PTPRD: variants seen among roughly 807,000 people sequenced by gnomAD.
The protein encoded by PTPRD is receptor-type tyrosine-protein phosphatase delta.
Under a neutral mutation model 214.5 loss-of-function variants are expected in PTPRD, and 34 were observed. The ratio of observed to expected loss-of-function variants is 0.16; its 90% CI spans 0.12 to 0.21. The LOEUF (loss-of-function observed/expected upper bound fraction) is 0.21, where lower values mean the gene tolerates loss of function less well. Ranked by LOEUF, PTPRD falls within the 10% of genes least tolerant of loss-of-function variation. The pLI is 1.00. For missense variants in PTPRD, 2,545 were observed against 2,398.7 expected, an observed-to-expected ratio of 1.06 and a Z score of -1.27; for synonymous variants, 1,128 against 845.7, an observed-to-expected ratio of 1.33 and a Z score of -5.79.
chr9:10,033,876 A>G (rs962226216), intron 3 of PTPRD, 86 bp from the exon 4 acceptor site: 1 of 152,106 alleles, frequency 6.6e-6, no homozygotes, highest in Admixed American at 6.6e-5. Flanking sequence ...TCAGATAAAA[A>G]AGGAAAACAG....
intron 7 of PTPRD, among the ~76,000 whole-genome samples, chr9:9,598,020 G>A (rs1244322957): frequency 6.6e-6 from 1 of 151,800 alleles, no homozygotes. Context: ...CCTTTTTCCT[G>A]CAAACTGTCC....
chr9:8,378,868 G>T (rs2084060633), intron 37 of PTPRD, among the ~76,000 whole-genome samples: 1 of 152,038 alleles, frequency 6.6e-6, no homozygotes, highest in Non-Finnish European at 1.5e-5. Context: ...TTGGAAAAAT[G>T]ACTCTCCATC....
intron 9 of PTPRD, among the ~76,000 whole-genome samples, chr9:9,318,850 C>T (rs1206167814): frequency 6.6e-6 from 1 of 152,134 alleles, no homozygotes; most frequent in African/African-American, 2.4e-5. Flanking sequence ...CAATGATAAT[C>T]AAAGTGGATA....
chr9:9,871,382 G>C (rs928003174), intron 5 of PTPRD, among the ~76,000 whole-genome samples: 9 of 152,132 alleles, frequency 5.9e-5, no homozygotes, highest in African/African-American at 2.2e-4. Flanking sequence ...TTGTATCCTT[G>C]ATGGAGCCTT....
At chr9:9,221,552 G>A (rs1257404620) in intron 9 of PTPRD, among the ~76,000 whole-genome samples, 4 of 151,950 alleles carry the variant, frequency 2.6e-5, no homozygotes, top group Non-Finnish European at 5.9e-5. Flanking sequence ...TTTCTGGCTC[G>A]CAGACAGTAT....
At chr9:10,126,150 T>C (rs766682923) in intron 3 of PTPRD, among the ~76,000 whole-genome samples, 21 of 152,112 alleles carry the variant, frequency 1.4e-4, no homozygotes, top group Non-Finnish European at 2.8e-4. Flanking sequence ...AGAATTAGAT[T>C]GTGAAACAAA....
chr9:9,571,750 T>C (rs1300512391), intron 8 of PTPRD, among the ~76,000 whole-genome samples: 1 of 150,990 alleles, frequency 6.6e-6, no homozygotes, highest in African/African-American at 2.4e-5. Context: ...AAATACTACA[T>C]ATTGCTTATT....
chr9:9,360,462 A>G (rs1401443030), intron 9 of PTPRD, among the ~76,000 whole-genome samples: 1 of 151,200 alleles, frequency 6.6e-6, no homozygotes, highest in Non-Finnish European at 1.5e-5. Context: ...GAAAATAAAT[A>G]TTGAAAGATT....
intron 5 of PTPRD, among the ~76,000 whole-genome samples, chr9:9,823,228 T>A (rs2051412424): frequency 6.6e-6 from 1 of 152,142 alleles, no homozygotes; most frequent in Non-Finnish European, 1.5e-5. Flanking sequence ...GCACAGTGCC[T>A]CCATCTGCCT....
rs1822290479 is a variant in PTPRD, at chr9:8,316,949, T to TAGAC, written c.*921_*924dup. 4.3e-6 allele frequency: 1 copy of TAGAC among 231,510 alleles called. No individual in the cohort carries two copies. The highest frequency in any genetic ancestry group is 6.1e-5 in the East Asian group (1 of 16,302). The allele number at this position is 231,510 out of a possible 1,614,324, so 14.3% of individuals were successfully genotyped here. On this transcript the variant is annotated 3_prime_UTR_variant, in exon 46 of 46. Transcript: ENST00000381196. ...TGTGGACACACTGTCTATATATACATAGACACCCTTATAAAATATGGATAT... is the reference window on the plus strand; with the variant it reads ...TGTGGACACACTGTCTATATATACATAGACAGACACCCTTATAAAATATGGATAT...
At chr9:9,863,329 G>A (rs575454376) in intron 5 of PTPRD, among the ~76,000 whole-genome samples, 14 of 152,266 alleles carry the variant, frequency 9.2e-5, no homozygotes, top group African/African-American at 3.1e-4. Context: ...AAAGGAAAGA[G>A]TCAAGAATGA....
In PTPRD at chr9:9,887,605, T is replaced by C. The variant is rs111635236; in HGVS notation, c.-368+50902A>G. 8.6e-3 allele frequency among the ~76,000 whole-genome samples: 1,315 copies of C among 152,258 alleles called. 16 individuals are homozygous for C. Among genetic ancestry groups the C allele is most frequent in the South Asian group, 0.033 (160 of 4,822 alleles). On this transcript the variant is annotated intron_variant, in intron 5 of 45. Transcript: ENST00000381196. ...CAGGACTCTTTAGTGAGAACATCAG[T>C]GTACCATGTACTCAGACAAACCTGG...
rs192687605 is a variant in PTPRD at position 8,890,485 on chromosome 9, A to G, written c.-104+128212T>C. On this transcript the variant is annotated intron_variant, in intron 11 of 45. Transcript: ENST00000381196. ...GAAGACTTGCAAGTGACACAGAACCATTCACCAGCTAGACTTCATCTTTTG... is the reference window on the plus strand; with the variant it reads ...GAAGACTTGCAAGTGACACAGAACCGTTCACCAGCTAGACTTCATCTTTTG... Among the ~76,000 whole-genome samples, 4 of 152,350 alleles carry G rather than the reference A, an allele frequency of 2.6e-5. No homozygotes were observed. In the East Asian group the frequency reaches 7.7e-4, roughly 29 times the overall value.
At chr9:9,283,433 T>C (rs1948419473) in intron 9 of PTPRD, among the ~76,000 whole-genome samples, 1 of 151,184 alleles carries the variant, frequency 6.6e-6, no homozygotes, top group Non-Finnish European at 1.5e-5. Flanking sequence ...CAATTATATC[T>C]TCTCATTTCT....
At chr9:9,296,620 A>G (rs902987012) in intron 9 of PTPRD, among the ~76,000 whole-genome samples, 5 of 151,690 alleles carry the variant, frequency 3.3e-5, no homozygotes, top group Non-Finnish European at 7.4e-5. Context: ...TTATAGATCT[A>G]TTTTGCATTC....
intron 2 of PTPRD, among the ~76,000 whole-genome samples, chr9:10,440,247 C>T (rs1181987028): frequency 6.6e-6 from 1 of 151,546 alleles, no homozygotes; most frequent in African/African-American, 2.4e-5. Flanking sequence ...CCTTTAAATA[C>T]TCAATAAGTT....
At chr9:9,164,828 C>T (rs2099898632) in intron 10 of PTPRD, among the ~76,000 whole-genome samples, 1 of 149,398 alleles carries the variant, frequency 6.7e-6, no homozygotes, top group South Asian at 2.1e-4. Flanking sequence ...GCCTGGCCAA[C>T]ATGATGAAAT....
At chr9:9,928,648 A>G (rs2085200387) in intron 5 of PTPRD, among the ~76,000 whole-genome samples, 9 of 152,098 alleles carry the variant, frequency 5.9e-5, no homozygotes, top group Admixed American at 5.9e-4. Flanking sequence ...TAATCTGAAT[A>G]TTTTATTTGT....
chr9:9,056,792 G>A (rs959142787), intron 10 of PTPRD, among the ~76,000 whole-genome samples: 9 of 152,012 alleles, frequency 5.9e-5, no homozygotes, highest in Non-Finnish European at 1.0e-4. Flanking sequence ...TATTTGGCAC[G>A]GAAAATATAT....
Sources: allele counts gnomAD v4.1 joint callset (sites outside exome capture counted in the v4.1 genomes callset), GRCh38; gene constraint gnomAD v4.1.1; transcripts MANE v1.5; gene names NCBI Gene and HGNC (gene_info 2026-07-23, HGNC 2026-07-21).